FMN2: variants seen among roughly 807,000 people sequenced by gnomAD.
The protein encoded by FMN2 is formin-2.
Under a neutral mutation model 142.3 loss-of-function variants are expected in FMN2, and 51 were observed. That is an observed-to-expected ratio of 0.36 (90% CI 0.29 to 0.45). The LOEUF (loss-of-function observed/expected upper bound fraction) is 0.45. Among genes scored for constraint, FMN2 ranks in the 20% least tolerant of loss-of-function variants. The probability of loss-of-function intolerance (pLI) is 1.00; values close to 1 mark genes in which losing one functional copy is unlikely to be tolerated. For missense variants in FMN2, 1,936 were observed against 2,122.8 expected, an observed-to-expected ratio of 0.91 and a Z score of 1.73; for synonymous variants, 882 against 869.8, an observed-to-expected ratio of 1.01 and a Z score of -0.25.
At chr1:240,396,723 G>A (rs1673790946) in intron 15 of FMN2, among the ~76,000 whole-genome samples, 1 of 152,126 alleles carries the variant, frequency 6.6e-6, no homozygotes, top group Non-Finnish European at 1.5e-5. Flanking sequence ...TTCCGTTCTT[G>A]CGTTAATTCT....
Position 240,093,730 on chromosome 1 carries a change from C to T in FMN2, c.1615+6C>T, listed in dbSNP as rs1661098436. On this transcript the variant is annotated splice_donor_region_variant and intron_variant, in intron 1 of 17. Coordinates refer to ENST00000319653, the MANE Select transcript of FMN2 (RefSeq NM_020066.5). ...CTTCCAGAACGTGTTCACAGGTGAG[C>T]GCGCCCTGCTGCTGGCCTCCGGGTC... The T allele has an allele frequency of 7.6e-7, 1 of 1,324,002 alleles. No homozygotes were observed. Among genetic ancestry groups the T allele is most frequent in the Non-Finnish European group, 9.6e-7 (1 of 1,042,392 alleles). The allele number at this position is 1,324,002 out of a possible 1,614,324, so 82.0% of individuals were successfully genotyped here. A position where few individuals can be genotyped will look rare whatever the true frequency, so the allele number is the denominator to read the frequency against.
intron 14 of FMN2, among the ~76,000 whole-genome samples, chr1:240,385,731 G>A (rs1444320951): frequency 6.6e-6 from 1 of 152,152 alleles, no homozygotes; most frequent in Non-Finnish European, 1.5e-5. Flanking sequence ...GGTGATAATA[G>A]CACACGGCTT....
chr1:240,465,291 C>CTCTT, intron 16 of FMN2, among the ~76,000 whole-genome samples: 1 of 17,460 alleles, frequency 5.7e-5, no homozygotes, highest in Non-Finnish European at 9.7e-5. Context: ...TCTCCACCAC[C>CTCTT]TCTCTCCTCC....
chr1:240,220,525 G>T (rs939304929), intron 6 of FMN2, among the ~76,000 whole-genome samples: 3 of 152,056 alleles, frequency 2.0e-5, no homozygotes, highest in Admixed American at 1.3e-4. Context: ...GAAGTAGGGA[G>T]GGTGTGAATA....
chr1:240,287,051 T>C (rs1178842484), intron 7 of FMN2, among the ~76,000 whole-genome samples: 2 of 152,176 alleles, frequency 1.3e-5, no homozygotes, highest in Non-Finnish European at 2.9e-5. Context: ...AGATAACAAA[T>C]ACTGTCAGAT....
At chr1:240,390,794 G>T (rs893437652) in intron 14 of FMN2, among the ~76,000 whole-genome samples, 1 of 152,300 alleles carries the variant, frequency 6.6e-6, no homozygotes, top group Non-Finnish European at 1.5e-5. Context: ...CTGGCATCTT[G>T]TTCTACTGTG....
intron 7 of FMN2, among the ~76,000 whole-genome samples, chr1:240,262,293 C>A (rs1572129931): frequency 6.6e-6 from 1 of 151,944 alleles, no homozygotes; most frequent in Non-Finnish European, 1.5e-5. Context: ...AGTTTGTGAG[C>A]TGGATCACTT....
At chr1:240,137,508 C>T (rs547412628) in intron 2 of FMN2, among the ~76,000 whole-genome samples, 2 of 152,214 alleles carry the variant, frequency 1.3e-5, no homozygotes, top group Non-Finnish European at 2.9e-5. Context: ...CTGCTCTATA[C>T]TCATGTAATA....
At chr1:240,217,882 T>TTATA (rs1666963433) in intron 6 of FMN2, among the ~76,000 whole-genome samples, 1 of 152,180 alleles carries the variant, frequency 6.6e-6, no homozygotes, top group Admixed American at 6.5e-5. Flanking sequence ...CCTTGCTAGA[T>TTATA]TATATATTAG....
At chr1:240,389,807 A>C (rs1219496808) in intron 14 of FMN2, among the ~76,000 whole-genome samples, 2 of 152,128 alleles carry the variant, frequency 1.3e-5, no homozygotes, top group Non-Finnish European at 2.9e-5. Context: ...AGATTGAAAA[A>C]TTTAGCCAGG....
intron 8 of FMN2, among the ~76,000 whole-genome samples, chr1:240,295,750 T>G (rs1326505062): frequency 1.3e-5 from 2 of 152,224 alleles, no homozygotes; most frequent in Non-Finnish European, 2.9e-5. Context: ...CTCTTCAACA[T>G]ACTTTTCATT....
chr1:240,206,982 G>A lies in FMN2; in HGVS notation c.2170G>A (p.Glu724Lys), dbSNP rs780698754. 7.4e-6 allele frequency: 12 copies of A among 1,614,018 alleles called. No homozygotes were observed. The highest frequency in any genetic ancestry group is 1.6e-4 in the Middle Eastern group (1 of 6,084). ...GACAGCCTCAGGCGATGTCTGTCTC[G>A]AAGCTCTCAGGTTAGAAGAAAAGGA... ...GVTASGDVCL[E>K]ALRLEEKEVR... The change falls in exon 5 of 18, where the codon GAA (glutamate) becomes AAA (lysine). Residue 724 changes from glutamate to lysine, a missense_variant. Coordinates refer to ENST00000319653, the MANE Select transcript of FMN2 (RefSeq NM_020066.5).
intron 6 of FMN2, among the ~76,000 whole-genome samples, chr1:240,239,086 C>A (rs753945010): frequency 1.3e-5 from 2 of 152,264 alleles, no homozygotes; most frequent in Middle Eastern, 3.4e-3. Flanking sequence ...GAACTCTATA[C>A]TTGAGTTTCG....
chr1:240,189,566 G>A (rs938523412), intron 4 of FMN2, among the ~76,000 whole-genome samples: 1 of 152,230 alleles, frequency 6.6e-6, no homozygotes, highest in Non-Finnish European at 1.5e-5. Context: ...CCCCCTGGAG[G>A]AGAAATTGGG....
At chr1:240,139,821 C>T (rs932372831) in intron 2 of FMN2, among the ~76,000 whole-genome samples, 1 of 151,966 alleles carries the variant, frequency 6.6e-6, no homozygotes, top group African/African-American at 2.4e-5. Flanking sequence ...GCTTTTTGCT[C>T]AGGTAGATGT....
intron 16 of FMN2, among the ~76,000 whole-genome samples, chr1:240,467,939 CTGTGT>C (rs952485805): frequency 1.6e-4 from 25 of 152,226 alleles, no homozygotes; most frequent in African/African-American, 4.6e-4. Flanking sequence ...TCTCTGCTTT[CTGTGT>C]TGTTTGATTT....
intron 4 of FMN2, among the ~76,000 whole-genome samples, chr1:240,196,047 A>G (rs965296098): frequency 6.6e-6 from 1 of 152,160 alleles, no homozygotes; most frequent in South Asian, 2.1e-4. Context: ...CATTCTCACA[A>G]TATCCTTTTG....
intron 6 of FMN2, among the ~76,000 whole-genome samples, chr1:240,245,094 C>G (rs1462449755): frequency 6.6e-6 from 1 of 152,082 alleles, no homozygotes; most frequent in Non-Finnish European, 1.5e-5. Context: ...AGAAGTGGCT[C>G]CTAAGTCAGC....
intron 1 of FMN2, among the ~76,000 whole-genome samples, chr1:240,107,814 A>G (rs1299908529): frequency 1.3e-5 from 2 of 152,186 alleles, no homozygotes; most frequent in Non-Finnish European, 2.9e-5. Context: ...ATAGACATGT[A>G]GTACCGAGAA....
Sources: allele counts gnomAD v4.1 joint callset (sites outside exome capture counted in the v4.1 genomes callset), GRCh38; gene constraint gnomAD v4.1.1; transcripts MANE v1.5; gene names NCBI Gene and HGNC (gene_info 2026-07-23, HGNC 2026-07-21).